The following MACF1 variants were observed in gnomAD, a reference collection of about 807,000 sequenced individuals.
MACF1 encodes microtubule-actin cross-linking factor 1.
Under a neutral mutation model 854.8 loss-of-function variants are expected in MACF1, and 193 were observed. The observed-to-expected ratio is 0.23, with a 90% CI of 0.20 to 0.25. The LOEUF (loss-of-function observed/expected upper bound fraction) is 0.25. Ranked by LOEUF, MACF1 falls within the 10% of genes least tolerant of loss-of-function variation. MACF1 has a pLI of 1.00. For synonymous variants in MACF1, 3,185 were observed against 3,226.7 expected (o/e 0.99, Z 0.44); for missense variants, 7,722 against 8,929.1 (o/e 0.86, Z 5.45).
rs1417412317 is a variant in MACF1, at chr1:39,352,928, C to CT, written c.11200-76dup. Reference sequence around the variant, plus strand: ...AATTAGCATAAAATTATCTCCTCCCCTTTACCCCATTACTTAACCTGTGGT... The same window carrying CT: ...AATTAGCATAAAATTATCTCCTCCCCTTTTACCCCATTACTTAACCTGTGGT... On this transcript the variant is annotated intron_variant, in intron 43 of 100. Coordinates refer to ENST00000564288, the MANE Select transcript of MACF1 (RefSeq NM_001394062.1). 2.9e-5 allele frequency: 28 copies of CT among 950,572 alleles called. No homozygotes were observed. The Admixed American group carries it at 5.4e-4, about 18-fold the overall frequency. The allele number at this position is 950,572 out of a possible 1,614,324, so 58.9% of individuals were successfully genotyped here. A position where few individuals can be genotyped will look rare whatever the true frequency, so the allele number is the denominator to read the frequency against.
chr1:39,414,323 A>T lies in MACF1; in HGVS notation c.15817-8051A>T, dbSNP rs765153804. ...CACACTGACTCAGTGCCTATTTCAGAAGAAGGAACACCTGTTCTAGAGGAG... is the reference window on the plus strand; with the variant it reads ...CACACTGACTCAGTGCCTATTTCAGTAGAAGGAACACCTGTTCTAGAGGAG... On this transcript the variant is annotated intron_variant, in intron 58 of 100. Coordinates refer to ENST00000564288, the MANE Select transcript of MACF1 (RefSeq NM_001394062.1). The T allele has an allele frequency of 2.1e-5, 34 of 1,613,872 alleles. No homozygotes were observed. The South Asian group carries it at 3.0e-4, about 14-fold the overall frequency.
At position 39,283,818 on chromosome 1, in the gene MACF1, G is replaced by C. The variant is rs1377101271; in HGVS notation, c.916-248G>C. Among the ~76,000 whole-genome samples, 3 of 152,090 alleles carry C rather than the reference G, an allele frequency of 2.0e-5. No individual in the cohort carries two copies. ...ACTTATGTATCAGCTTGATTAGGTA[G>C]ATCATGGCTCTTTTCAGAATATTTT... On this transcript the variant is annotated intron_variant, in intron 9 of 100. Coordinates refer to ENST00000564288, the MANE Select transcript of MACF1 (RefSeq NM_001394062.1). This position sits in a 1 kb window ranked among gnomAD's most constrained non-coding sequence, Gnocchi z 4.5.
intron 56 of MACF1, among the ~76,000 whole-genome samples, chr1:39,383,208 C>T (rs1650398643): frequency 6.6e-6 from 1 of 152,236 alleles, no homozygotes; most frequent in African/African-American, 2.4e-5. Context: ...CATTCTCCCG[C>T]AGCCTGGTCC....
intron 2 of MACF1, among the ~76,000 whole-genome samples, chr1:39,169,413 T>C (rs919509015): frequency 2.0e-5 from 3 of 152,068 alleles, no homozygotes; most frequent in African/African-American, 4.8e-5. Context: ...CTAGGCAACA[T>C]AGGGAAACTG....
chr1:39,443,660 T>G (rs1260428301), intron 79 of MACF1, 86 bp downstream of exon 79: 1 of 1,379,602 alleles, frequency 7.2e-7, no homozygotes, highest in African/African-American at 1.5e-5. Flanking sequence ...AATATGTATC[T>G]GGAAATCTAC....
intron 2 of MACF1, among the ~76,000 whole-genome samples, chr1:39,115,701 G>A (rs1229460289): frequency 6.6e-6 from 1 of 152,102 alleles, no homozygotes; most frequent in Non-Finnish European, 1.5e-5. Flanking sequence ...GGGAGAAGGA[G>A]CTGGCTTTAG....
chr1:39,458,509 G>A lies in MACF1; in HGVS notation c.21196+19G>A, dbSNP rs1451554382. 1.3e-6 allele frequency: 2 copies of A among 1,599,750 alleles called. No individual in the cohort carries two copies. The highest frequency in any genetic ancestry group is 2.2e-5 in the South Asian group (2 of 89,484). ...GGAGGCAGTATGTTTCCAGCCCCCT[G>A]TGTTAGGATGCTTCATTCCTGCTAA... On this transcript the variant is annotated intron_variant, in intron 90 of 100. Transcript: ENST00000564288.
chr1:39,232,104 T>A (rs1463906064), intron 2 of MACF1, among the ~76,000 whole-genome samples: 1 of 148,422 alleles, frequency 6.7e-6, no homozygotes, highest in Non-Finnish European at 1.5e-5. Flanking sequence ...TAATAATAAT[T>A]GTTATATATT....
chr1:39,477,725 G>A (rs1264149135), intron 97 of MACF1, among the ~76,000 whole-genome samples: 1 of 152,002 alleles, frequency 6.6e-6, no homozygotes, highest in Non-Finnish European at 1.5e-5. Flanking sequence ...GGAAGACGTG[G>A]GTTCTAGGTC....
At chr1:39,419,560 A>C (rs940910873) in intron 58 of MACF1, among the ~76,000 whole-genome samples, 1 of 152,230 alleles carries the variant, frequency 6.6e-6, no homozygotes, top group Non-Finnish European at 1.5e-5. Context: ...TCTGTTCCCA[A>C]GCATTTTGGA....
chr1:39,171,375 T>C (rs889018795), intron 2 of MACF1, among the ~76,000 whole-genome samples: 2 of 152,256 alleles, frequency 1.3e-5, no homozygotes, highest in South Asian at 2.1e-4. Flanking sequence ...GACTATTGAA[T>C]TGCAGAACTT....
chr1:39,430,038 A>T lies in MACF1; in HGVS notation c.17100A>T (p.Glu5700Asp). The change falls in exon 65 of 101, where the codon GAA (glutamate) becomes GAT (aspartate). Residue 5700 changes from glutamate (E) to aspartate (D), a missense_variant. Around this residue, in one of 15 missense-constraint regions of MACF1, gnomAD observed 2,807 missense variants for 3,235.8 expected, o/e 0.87. Coordinates refer to ENST00000564288, the MANE Select transcript of MACF1 (RefSeq NM_001394062.1). ...GTGGAGGACAGTCTCCCACAGGGGA[A>T]CAGATACCCCAGTTTCAGCAGAGAC... is the stretch of plus-strand genomic sequence containing the variant. Reference protein sequence around the residue: ...ATSGGQSPTGEQIPQFQQRQK... With the variant: ...ATSGGQSPTGDQIPQFQQRQK... The T allele has an allele frequency of 6.2e-7, 1 of 1,613,918 alleles. No homozygotes were observed. Among genetic ancestry groups the T allele is most frequent in the Non-Finnish European group, 8.5e-7 (1 of 1,179,882 alleles).
intron 38 of MACF1, among the ~76,000 whole-genome samples, chr1:39,339,989 C>T (rs1441403695): frequency 6.6e-6 from 1 of 152,048 alleles, no homozygotes; most frequent in Non-Finnish European, 1.5e-5. Flanking sequence ...CTGTTGAGGA[C>T]CAGAATATTA....
intron 1 of MACF1, among the ~76,000 whole-genome samples, chr1:39,220,376 T>C (rs1174596426): frequency 6.6e-6 from 1 of 151,532 alleles, no homozygotes; most frequent in Non-Finnish European, 1.5e-5. Flanking sequence ...TTTCACCATA[T>C]TGGCCAGGCT....
At position 39,322,995 on chromosome 1, in the gene MACF1, TGGA is replaced by T. The variant is rs1180631093; in HGVS notation, c.4235_4236+1del. 5 of 1,613,632 alleles carry T rather than the reference TGGA, an allele frequency of 3.1e-6. No individual in the cohort carries two copies. Among genetic ancestry groups the T allele is most frequent in the Non-Finnish European group, 4.2e-6 (5 of 1,179,602 alleles). On this transcript the variant is annotated inframe_deletion, in exon 33 of 101. Coordinates refer to ENST00000564288, the MANE Select transcript of MACF1 (RefSeq NM_001394062.1). Reference sequence around the variant, plus strand: ...TACATCAGTGATGCACTCCGGCGTCTGGAGGAGGAGGAGGTGAGGACAGTTGGG... The same window carrying T: ...TACATCAGTGATGCACTCCGGCGTCTGGAGGAGGAGGTGAGGACAGTTGGG...
At chr1:39,301,236 C>T (rs1271662405) in intron 22 of MACF1, among the ~76,000 whole-genome samples, 4 of 151,874 alleles carry the variant, frequency 2.6e-5, no homozygotes, top group Admixed American at 6.6e-5. Flanking sequence ...ATGCCATTCT[C>T]CTGCCTCAGC....
chr1:39,401,747 A>G (rs554740081), intron 58 of MACF1, among the ~76,000 whole-genome samples: 163 of 152,336 alleles, frequency 1.1e-3, no homozygotes, highest in Non-Finnish European at 1.4e-3. Context: ...TCATCTTGCA[A>G]TTCATTCCCA....
chr1:39,480,126 T>C, intron 98 of MACF1, 117 bp downstream of exon 98: 1 of 594,342 alleles, frequency 1.7e-6, no homozygotes, highest in Non-Finnish European at 2.7e-6. Context: ...TGAAAACATG[T>C]TTTCTATTTT....
intron 58 of MACF1, 73 bp from the exon 59 acceptor site, chr1:39,422,301 T>C (rs1643572556): frequency 1.7e-6 from 2 of 1,187,392 alleles, no homozygotes; most frequent in Admixed American, 4.7e-5. Context: ...GCCCCAAGAA[T>C]AACCAGTCTC....
Sources: gnomAD v4.1 joint callset for allele counts (sites outside exome capture counted in the v4.1 genomes callset) on GRCh38, gnomAD v4.1.1 for gene constraint, gnomAD v4.1.1 regional missense constraint, Gnocchi (gnomAD v3.1) non-coding constraint, MANE v1.5 for transcripts, NCBI Gene and HGNC (gene_info 2026-07-23, HGNC 2026-07-21) for gene names.